The following RBFOX1 variants were observed in gnomAD, a reference collection of about 807,000 sequenced individuals.
RBFOX1 encodes RNA binding fox-1 homolog 1.
RBFOX1 carries 8 observed loss-of-function variants against 57.7 expected under a neutral mutation model. That is an observed-to-expected ratio of 0.14 (90% CI 0.08 to 0.25). The LOEUF is 0.25. Ranked by LOEUF, RBFOX1 falls within the 10% of genes least tolerant of loss-of-function variation. The pLI is 1.00. For missense variants in RBFOX1, 611 were observed against 548.5 expected (o/e 1.11, Z -1.14); for synonymous variants, 326 against 222.4 (o/e 1.47, Z -4.15).
intron 1 of RBFOX1, among the ~76,000 whole-genome samples, chr16:6,182,374 A>G (rs2097070487): frequency 6.6e-6 from 1 of 152,234 alleles, no homozygotes; most frequent in African/African-American, 2.4e-5. Context: ...CCACTTTAGA[A>G]TAAGAATCAT....
chr16:5,875,830 A>T (rs1410659179), intron 4 of RBFOX1, among the ~76,000 whole-genome samples: 1 of 151,384 alleles, frequency 6.6e-6, no homozygotes. Flanking sequence ...TTGGGGGATG[A>T]ATTAGAAGAA....
chr16:5,603,721 CA>C (rs1365607210), downstream of RBFOX1, among the ~76,000 whole-genome samples: 1 of 152,134 alleles, frequency 6.6e-6, no homozygotes, highest in Non-Finnish European at 1.5e-5. Context: ...ATGAATGAAA[CA>C]TACCTGTCTT....
chr16:7,627,856 C>A (rs2060316996), intron 10 of RBFOX1, among the ~76,000 whole-genome samples: 1 of 151,730 alleles, frequency 6.6e-6, no homozygotes, highest in African/African-American at 2.4e-5. Context: ...AAAACAAAAA[C>A]CAAGTCCTGT....
intron 1 of RBFOX1, among the ~76,000 whole-genome samples, chr16:6,252,641 G>T (rs78677077): frequency 8.2e-6 from 1 of 122,482 alleles, no homozygotes; most frequent in Admixed American, 8.6e-5. Context: ...TTTTGTTTTT[G>T]GTAAACTTCC....
At chr16:6,160,736 C>A (rs1201241848) in intron 1 of RBFOX1, among the ~76,000 whole-genome samples, 1 of 152,180 alleles carries the variant, frequency 6.6e-6, no homozygotes, top group South Asian at 2.1e-4. Context: ...TTGCCTCCTG[C>A]AACTGCAGTC....
At chr16:7,090,285 G>A (rs1170218838) in intron 4 of RBFOX1, among the ~76,000 whole-genome samples, 1 of 152,190 alleles carries the variant, frequency 6.6e-6, no homozygotes, top group East Asian at 1.9e-4. Context: ...AATTTGTAAA[G>A]TAACCTCTTT....
At chr16:6,680,217 G>A (rs1183914774) in intron 3 of RBFOX1, among the ~76,000 whole-genome samples, 1 of 151,084 alleles carries the variant, frequency 6.6e-6, no homozygotes, top group Non-Finnish European at 1.5e-5. Context: ...GTAAGTGGTC[G>A]AAGTACAATT....
chr16:6,852,017 C>T (rs1208747599), intron 3 of RBFOX1, among the ~76,000 whole-genome samples: 1 of 148,840 alleles, frequency 6.7e-6, no homozygotes, highest in Non-Finnish European at 1.5e-5. Flanking sequence ...GCTCCATCTC[C>T]CGGGTTCATG....
intron 4 of RBFOX1, among the ~76,000 whole-genome samples, chr16:5,885,232 A>T (rs1306749371): frequency 6.6e-6 from 1 of 150,558 alleles, no homozygotes; most frequent in Admixed American, 6.6e-5. Flanking sequence ...CCATAAAGAG[A>T]TTTCATAAAT....
At chr16:5,765,009 G>C (rs1033448237) in intron 3 of RBFOX1, among the ~76,000 whole-genome samples, 20 of 151,992 alleles carry the variant, frequency 1.3e-4, no homozygotes, top group Non-Finnish European at 2.4e-4. Context: ...AGTCTCGCAG[G>C]GTACCTGATA....
intron 3 of RBFOX1, among the ~76,000 whole-genome samples, chr16:6,826,668 A>T (rs919853515): frequency 6.6e-6 from 1 of 151,906 alleles, no homozygotes; most frequent in Non-Finnish European, 1.5e-5. Flanking sequence ...GTTTGCTACC[A>T]GCCTAAGAGC....
At chr16:6,911,036 A>G (rs1286152366) in intron 3 of RBFOX1, among the ~76,000 whole-genome samples, 3 of 151,996 alleles carry the variant, frequency 2.0e-5, no homozygotes, top group Non-Finnish European at 4.4e-5. Context: ...CCCCGTCTCT[A>G]CCAAAAATAC....
intron 3 of RBFOX1, among the ~76,000 whole-genome samples, chr16:6,827,727 G>T (rs1472656922): frequency 2.0e-5 from 3 of 152,088 alleles, no homozygotes; most frequent in African/African-American, 7.2e-5. Context: ...TGCCCATGCT[G>T]ATCCCCTACA....
intron 1 of RBFOX1, among the ~76,000 whole-genome samples, chr16:6,157,955 T>A (rs144538450): frequency 6.6e-6 from 1 of 152,308 alleles, no homozygotes; most frequent in Non-Finnish European, 1.5e-5. Flanking sequence ...ATTCCTAAAC[T>A]AATTACTATG....
At chr16:6,622,987 A>T (rs1027952280) in intron 2 of RBFOX1, among the ~76,000 whole-genome samples, 2 of 152,162 alleles carry the variant, frequency 1.3e-5, no homozygotes, top group African/African-American at 4.8e-5. Context: ...GCAATTAAAG[A>T]TTAGCTATTT....
chr16:5,293,434 C>T (rs781732670), intron 1 of RBFOX1, among the ~76,000 whole-genome samples: 3 of 152,140 alleles, frequency 2.0e-5, no homozygotes, highest in African/African-American at 7.2e-5. Flanking sequence ...TTCATCTGCA[C>T]CCAACCATAT....
chr16:6,389,069 C>T (rs1317526064), intron 2 of RBFOX1, among the ~76,000 whole-genome samples: 1 of 152,120 alleles, frequency 6.6e-6, no homozygotes, highest in Non-Finnish European at 1.5e-5. Flanking sequence ...TCTTTTCACC[C>T]AGCTTGGCTT....
intron 1 of RBFOX1, among the ~76,000 whole-genome samples, chr16:5,296,362 T>G (rs1189119896): frequency 1.3e-5 from 2 of 152,164 alleles, no homozygotes; most frequent in African/African-American, 2.4e-5. Context: ...CACACTGTCA[T>G]GTAAGTCTGC....
intron 2 of RBFOX1, among the ~76,000 whole-genome samples, chr16:6,335,578 G>A (rs532820736): frequency 1.3e-5 from 2 of 151,816 alleles, no homozygotes; most frequent in African/African-American, 4.8e-5. Flanking sequence ...AAGAGATTGA[G>A]ACCCTCCTGG....
Sources: allele counts gnomAD v4.1 joint callset (sites outside exome capture counted in the v4.1 genomes callset), GRCh38; gene constraint gnomAD v4.1.1; transcripts MANE v1.5; gene names NCBI Gene and HGNC (gene_info 2026-07-23, HGNC 2026-07-21).